Variants in LRPPRC observed in about 807,000 individuals in gnomAD.
The protein encoded by LRPPRC is leucine rich pentatricopeptide repeat containing.
In LRPPRC, 120 loss-of-function variants were observed where a neutral mutation model predicts 180.3. The ratio of observed to expected loss-of-function variants is 0.67; its 90% CI spans 0.57 to 0.77. The LOEUF is 0.77. LRPPRC is among the 30% of genes least tolerant of loss of function. LRPPRC has a pLI of 0.00. For missense variants in LRPPRC, 2,012 were observed against 1,657.2 expected, an observed-to-expected ratio of 1.21 and a Z score of -3.72; for synonymous variants, 723 against 600.0, an observed-to-expected ratio of 1.21 and a Z score of -3.00.
chr2:43,929,794 G>A (rs1054893702), intron 25 of LRPPRC, among the ~76,000 whole-genome samples: 9 of 152,048 alleles, frequency 5.9e-5, no homozygotes, highest in Non-Finnish European at 1.2e-4. Context: ...TAATAAGGAG[G>A]AAAATATGGC....
intron 1 of LRPPRC, among the ~76,000 whole-genome samples, chr2:43,989,870 G>A (rs1442105097): frequency 6.6e-6 from 1 of 152,086 alleles, no homozygotes; most frequent in Non-Finnish European, 1.5e-5. Context: ...AATAACCCAC[G>A]GAAGTTGAAA....
At chr2:43,948,977 T>C (rs1672798471) in intron 16 of LRPPRC, among the ~76,000 whole-genome samples, 1 of 152,204 alleles carries the variant, frequency 6.6e-6, no homozygotes, top group African/African-American at 2.4e-5. Context: ...AATAAGCAGA[T>C]ACAGTAATCC....
intron 21 of LRPPRC, 39 bp downstream of exon 21, chr2:43,946,074 A>G (rs956868619): frequency 1.2e-6 from 2 of 1,600,658 alleles, no homozygotes; most frequent in Non-Finnish European, 1.7e-6. Context: ...GTAGAGCAGA[A>G]TAAATGTTGA....
intron 35 of LRPPRC, 194 bp downstream of exon 35, chr2:43,896,440 G>C (rs570122795): frequency 1.5e-5 from 8 of 516,976 alleles, no homozygotes; most frequent in African/African-American, 9.7e-5. Context: ...GAAAATTCCT[G>C]CGTGAACTTG....
intron 25 of LRPPRC, among the ~76,000 whole-genome samples, chr2:43,930,092 G>C (rs1367094049): frequency 1.3e-5 from 2 of 152,154 alleles, no homozygotes; most frequent in African/African-American, 4.8e-5. Context: ...ACAAAAGGAA[G>C]AGTAACAAAG....
At chr2:43,893,740 G>A (rs567075227) in intron 36 of LRPPRC, among the ~76,000 whole-genome samples, 1 of 152,166 alleles carries the variant, frequency 6.6e-6, no homozygotes, top group South Asian at 2.1e-4. Context: ...TTAGTTACTG[G>A]AAATTTGATA....
intron 30 of LRPPRC, among the ~76,000 whole-genome samples, chr2:43,912,117 T>A (rs1008419586): frequency 6.6e-6 from 1 of 152,178 alleles, no homozygotes; most frequent in Non-Finnish European, 1.5e-5. Context: ...CCACAAAAGG[T>A]ACATGGATTT....
At chr2:43,955,350 T>C (rs958658011) in intron 14 of LRPPRC, among the ~76,000 whole-genome samples, 6 of 151,750 alleles carry the variant, frequency 4.0e-5, no homozygotes, top group South Asian at 4.2e-4. Context: ...ACACCTGTAG[T>C]CTTGGCTAAA....
At chr2:43,971,071 G>T (rs1006495526) in intron 11 of LRPPRC, among the ~76,000 whole-genome samples, 2 of 149,096 alleles carry the variant, frequency 1.3e-5, no homozygotes, top group Admixed American at 1.3e-4. Flanking sequence ...TTGCACTCCA[G>T]CCTAGACAAC....
intron 25 of LRPPRC, among the ~76,000 whole-genome samples, chr2:43,928,795 A>AC (rs1485466711): frequency 1.3e-5 from 2 of 151,808 alleles, no homozygotes; most frequent in Non-Finnish European, 2.9e-5. Flanking sequence ...CCCCACCCCA[A>AC]CCCAAGTACC....
intron 11 of LRPPRC, among the ~76,000 whole-genome samples, chr2:43,966,710 T>C (rs1382421769): frequency 6.7e-6 from 1 of 148,328 alleles, no homozygotes; most frequent in Admixed American, 6.7e-5. Context: ...GCCCGGCCAA[T>C]ACAAAATTTT....
chr2:43,891,884 T>G (rs1670505628), intron 36 of LRPPRC, among the ~76,000 whole-genome samples: 1 of 152,232 alleles, frequency 6.6e-6, no homozygotes, highest in African/African-American at 2.4e-5. Context: ...GGAAAAGTCC[T>G]TGAAGGAAAT....
At chr2:43,971,427 GA>G (rs1172711703) in intron 11 of LRPPRC, among the ~76,000 whole-genome samples, 2 of 116,614 alleles carry the variant, frequency 1.7e-5, no homozygotes, top group Non-Finnish European at 3.3e-5. Flanking sequence ...AAATTCAACA[GA>G]AACTTGATTA....
At chr2:43,990,129 G>A (rs1249256480) in intron 1 of LRPPRC, among the ~76,000 whole-genome samples, 1 of 152,154 alleles carries the variant, frequency 6.6e-6, no homozygotes, top group Non-Finnish European at 1.5e-5. Context: ...TGAGGTGGGA[G>A]AATCGCTTGA....
At chr2:43,909,325 C>A (rs563385163) in intron 30 of LRPPRC, among the ~76,000 whole-genome samples, 1 of 151,486 alleles carries the variant, frequency 6.6e-6, no homozygotes, top group Non-Finnish European at 1.5e-5. Context: ...TAGACACAGA[C>A]GCACGGAGGA....
chr2:43,895,928 T>A (rs113447826), intron 35 of LRPPRC, among the ~76,000 whole-genome samples: 119 of 152,324 alleles, frequency 7.8e-4, no homozygotes, highest in Middle Eastern at 3.4e-3. Context: ...AATTTTTTTT[T>A]AAAAAATTTT....
intron 25 of LRPPRC, among the ~76,000 whole-genome samples, chr2:43,931,185 G>A (rs1481584046): frequency 1.3e-5 from 2 of 152,058 alleles, no homozygotes; most frequent in Non-Finnish European, 2.9e-5. Flanking sequence ...CATGTGCCAG[G>A]CACTGCTAGG....
intron 1 of LRPPRC, among the ~76,000 whole-genome samples, chr2:43,982,660 T>G (rs956264911): frequency 6.6e-6 from 1 of 152,198 alleles, no homozygotes; most frequent in Non-Finnish European, 1.5e-5. Context: ...TCCTGAATAA[T>G]TGACAACATC....
rs796308140 is a variant in LRPPRC at position 43,924,601 on chromosome 2, T to C, written c.2896+466A>G. Among the ~76,000 whole-genome samples the C allele has an allele frequency of 8.5e-5, 13 of 152,260 alleles. 1 individual carries two copies. Among genetic ancestry groups the C allele is most frequent in the African/African-American group, 3.1e-4 (13 of 41,560 alleles). ...AAAATGTTTGTAATATATAGCTGAC[T>C]CAAAAATATATAATGACATTTAAAA... On this transcript the variant is annotated intron_variant, in intron 27 of 37. Coordinates refer to ENST00000260665, the MANE Select transcript of LRPPRC (RefSeq NM_133259.4).
Sources: gnomAD v4.1 joint callset for allele counts (sites outside exome capture counted in the v4.1 genomes callset) on GRCh38, gnomAD v4.1.1 for gene constraint, MANE v1.5 for transcripts, NCBI Gene and HGNC (gene_info 2026-07-23, HGNC 2026-07-21) for gene names.